Variants in L3MBTL1 observed in about 807,000 individuals in gnomAD.
L3MBTL1 encodes the protein L3MBTL histone methyl-lysine binding protein 1, also known as lethal(3)malignant brain tumor-like protein 1.
A neutral mutation model predicts 105.3 loss-of-function variants in L3MBTL1; 75 were observed. That is an observed-to-expected ratio of 0.71 (90% CI 0.59 to 0.86). The LOEUF is 0.86. Among genes scored for constraint, L3MBTL1 ranks in the 40% least tolerant of loss-of-function variants. L3MBTL1 has a pLI of 0.00. For synonymous variants in L3MBTL1, 452 were observed against 436.2 expected (o/e 1.04, Z -0.45); for missense variants, 1,069 against 1,126.4 (o/e 0.95, Z 0.73).
chr20:43,529,212 C>T, intron 8 of L3MBTL1, 52 bp from the exon 9 acceptor site: 1 of 1,425,306 alleles, frequency 7.0e-7, no homozygotes, highest in Admixed American at 1.9e-5. Flanking sequence ...GCCCACTAGG[C>T]AAGGATAAGG....
chr20:43,532,665 C>A, intron 11 of L3MBTL1, 108 bp from the exon 12 acceptor site: 1 of 1,201,486 alleles, frequency 8.3e-7, no homozygotes. Flanking sequence ...TTCTCACTGC[C>A]CACACCCCAG....
chr20:43,521,902 C>T (rs1040694749), intron 7 of L3MBTL1, among the ~76,000 whole-genome samples: 9 of 152,116 alleles, frequency 5.9e-5, no homozygotes, highest in African/African-American at 1.7e-4. Context: ...CTCCATTTAA[C>T]GTAATTTCAA....
chr20:43,532,835 G>A lies in L3MBTL1; in HGVS notation c.1347G>A (p.Pro449=), dbSNP rs201765532. ...TGGAGGCTGTTGACCGCATGAACCC[G>A]TCCCTTGTCTGCGTGGCCAGTGTGA... ...MKLEAVDRMN[P]SLVCVASVTD... Residue 449 remains proline, a synonymous_variant, in exon 12 of 22, where the codon CCG becomes CCA. Transcript: ENST00000418998. The A allele has an allele frequency of 1.1e-4, 178 of 1,614,214 alleles. No individual in the cohort carries two copies. In the East Asian group the frequency reaches 2.6e-3, roughly 23 times the overall value.
intron 7 of L3MBTL1, 101 bp downstream of exon 7, chr20:43,516,278 C>CATGCATA (rs1411339372): frequency 2.4e-6 from 2 of 827,462 alleles, no homozygotes; most frequent in Non-Finnish European, 4.1e-6. Flanking sequence ...GTAGGTTGTA[C>CATGCATA]ATGCATAAAT....
intron 8 of L3MBTL1, 101 bp from the exon 9 acceptor site, chr20:43,529,163 C>T: frequency 2.6e-6 from 2 of 782,478 alleles, no homozygotes; most frequent in Non-Finnish European, 4.3e-6. Context: ...TTTGGAAATA[C>T]CAGGCGGGTG....
chr20:43,525,116 A>G (rs1293848099), intron 7 of L3MBTL1, among the ~76,000 whole-genome samples: 1 of 72,378 alleles, frequency 1.4e-5, no homozygotes, highest in Non-Finnish European at 2.6e-5. Context: ...TGGGGAGTTA[A>G]AAAAAAAAAA....
At chr20:43,547,250 G>T (rs376696757) in intron 18 of L3MBTL1, among the ~76,000 whole-genome samples, 1 of 151,848 alleles carries the variant, frequency 6.6e-6, no homozygotes, top group South Asian at 2.1e-4. Flanking sequence ...GACTGCAGGC[G>T]CCCGCCACCA....
At chr20:43,532,221 C>G (rs1281238432) in intron 11 of L3MBTL1, 1 of 152,346 alleles carries the variant, frequency 6.6e-6, no homozygotes, top group African/African-American at 2.4e-5. Flanking sequence ...TTAATTCAAA[C>G]TATTTAAATA....
At chr20:43,549,283 A>G (rs1272860941) in exon 19 of L3MBTL1, 4 of 152,352 alleles carry the variant, frequency 2.6e-5, no homozygotes, top group African/African-American at 7.2e-5. Flanking sequence ...GCCTTCTGCC[A>G]TGAGAATGTA....
Position 43,515,344 on chromosome 20 carries a change from A to G in L3MBTL1, c.706A>G (p.Lys236Glu). The G allele has an allele frequency of 6.3e-7, 1 of 1,579,366 alleles. No homozygotes were observed. Among genetic ancestry groups the G allele is most frequent in the East Asian group, 2.3e-5 (1 of 43,326 alleles). ...CTCTACCAGCGCTTCTGAGCTCCTCAAACCCATGAAGAAGAGGAAGCGCAG... is the reference window on the plus strand; with the variant it reads ...CTCTACCAGCGCTTCTGAGCTCCTCGAACCCATGAAGAAGAGGAAGCGCAG... ...SGSTSASELL[K>E]PMKKRKRREY... The change falls in exon 6 of 22, where the codon AAA (lysine) becomes GAA (glutamate). Residue 236 changes from lysine to glutamate, a missense_variant. Physicochemically the swap from Lys to Glu is moderately conservative, Grantham distance 56 (BLOSUM62 1). Transcript: ENST00000418998.
rs375165170 is a variant in L3MBTL1, at chr20:43,530,904, G to A, written c.1284+15G>A. On this transcript the variant is annotated intron_variant, in intron 11 of 21. Coordinates refer to ENST00000418998, the MANE Select transcript of L3MBTL1 (RefSeq NM_001377303.1). ...GCCAGAGCCACGTGAGTGCCCCTGAGTGAGAGTGGATGTCACTCCCATGTG... is the reference window on the plus strand; with the variant it reads ...GCCAGAGCCACGTGAGTGCCCCTGAATGAGAGTGGATGTCACTCCCATGTG... 4.4e-6 allele frequency: 7 copies of A among 1,607,628 alleles called. No individual in the cohort carries two copies. In the African/African-American group the frequency reaches 5.3e-5, roughly 12 times the overall value.
intron 1 of L3MBTL1, among the ~76,000 whole-genome samples, chr20:43,507,964 A>C (rs1294395305): frequency 6.6e-6 from 1 of 151,952 alleles, no homozygotes; most frequent in Admixed American, 6.5e-5. Context: ...GCGGGACTCC[A>C]GGCCCAGCCG....
In L3MBTL1 at chr20:43,514,022, G is replaced by T. The variant is rs1344978594; in HGVS notation, c.321G>T (p.Trp107Cys). 1.3e-6 allele frequency: 2 copies of T among 1,538,380 alleles called. No individual in the cohort carries two copies. Among genetic ancestry groups the T allele is most frequent in the Admixed American group, 2.0e-5 (1 of 50,974 alleles). Residue 107 changes from tryptophan (W) to cysteine (C), a missense_variant, in exon 3 of 22, where the codon TGG (tryptophan) becomes TGT (cysteine). Trp to Cys is a radical substitution (Grantham distance 215). Transcript: ENST00000418998. ...CCAGCACAGTGCGGCTTCTGGAATGGACAGAGGCCGCGGCCCCGCCCCCAG... is the reference window on the plus strand; with the variant it reads ...CCAGCACAGTGCGGCTTCTGGAATGTACAGAGGCCGCGGCCCCGCCCCCAG... ...SSTSTVRLLEWTEAAAPPPGG... is the reference protein window; with the variant it reads ...SSTSTVRLLECTEAAAPPPGG...
At chr20:43,515,671 C>T in intron 6 of L3MBTL1, 1 of 503,424 alleles carries the variant, frequency 2.0e-6, no homozygotes, top group East Asian at 3.5e-5. Flanking sequence ...GGTGAACTAG[C>T]ACCCAAAGTA....
intron 1 of L3MBTL1, 25 bp from the exon 2 acceptor site, chr20:43,513,451 C>T: frequency 6.5e-7 from 1 of 1,540,960 alleles, no homozygotes; most frequent in Non-Finnish European, 8.8e-7. Context: ...ACCTGATCAC[C>T]CTGGGGGCTA....
downstream of L3MBTL1, among the ~76,000 whole-genome samples, chr20:43,545,393 C>T (rs534779216): frequency 2.0e-5 from 3 of 152,058 alleles, no homozygotes; most frequent in Admixed American, 6.5e-5. Context: ...TGGGGAGCTC[C>T]AGAGCCAGAC....
chr20:43,515,244 G>T (rs1314456755), intron 5 of L3MBTL1, 48 bp from the exon 6 acceptor site: 13 of 1,612,480 alleles, frequency 8.1e-6, no homozygotes, highest in Non-Finnish European at 1.1e-5. Context: ...AGAGGGGCTG[G>T]GTGGTGCAGG....
chr20:43,548,177 C>G (rs772772514), exon 19 of L3MBTL1: 2 of 1,304,432 alleles, frequency 1.5e-6, no homozygotes, highest in Admixed American at 4.6e-5. Flanking sequence ...GAGCGTCAAG[C>G]TGGGCCCAGC....
chr20:43,518,386 A>G (rs1266065849), intron 7 of L3MBTL1, among the ~76,000 whole-genome samples: 3 of 152,166 alleles, frequency 2.0e-5, no homozygotes, highest in South Asian at 2.1e-4. Flanking sequence ...CAGACCTGAC[A>G]TACCTAGTGC....
Sources: allele counts gnomAD v4.1 joint callset (sites outside exome capture counted in the v4.1 genomes callset), GRCh38; gene constraint gnomAD v4.1.1; transcripts MANE v1.5; gene names NCBI Gene and HGNC (gene_info 2026-07-23, HGNC 2026-07-21).